Variants in CDK14 observed in about 807,000 individuals in gnomAD.
CDK14 encodes cyclin dependent kinase 14.
A neutral mutation model predicts 60.7 loss-of-function variants in CDK14; 34 were observed. The ratio of observed to expected loss-of-function variants is 0.56; its 90% confidence interval spans 0.43 to 0.75. The LOEUF is 0.75. Among genes scored for constraint, CDK14 ranks in the 30% least tolerant of loss-of-function variants. The probability of loss-of-function intolerance (pLI) is 0.00; values close to 1 mark genes in which losing one functional copy is unlikely to be tolerated. For synonymous variants in CDK14, 197 were observed against 203.7 expected (o/e 0.97, Z 0.28); for missense variants, 482 against 564.1 (o/e 0.85, Z 1.47).
At chr7:90,928,338 C>G (rs1793487638) in intron 8 of CDK14, among the ~76,000 whole-genome samples, 1 of 152,132 alleles carries the variant, frequency 6.6e-6, no homozygotes, top group African/African-American at 2.4e-5. Context: ...CCTGGTTTCT[C>G]CCCATCTGTG....
intron 14 of CDK14, among the ~76,000 whole-genome samples, chr7:91,189,989 C>T (rs988510804): frequency 9.9e-5 from 15 of 152,166 alleles, no homozygotes; most frequent in African/African-American, 3.6e-4. Context: ...TAAGGAATAG[C>T]AAAACTAGCC....
chr7:90,958,984 G>C (rs901973572), intron 9 of CDK14, among the ~76,000 whole-genome samples: 5 of 152,090 alleles, frequency 3.3e-5, no homozygotes, highest in African/African-American at 1.2e-4. Flanking sequence ...GTGTTTCTGA[G>C]GTGTAGCTCA....
intron 2 of CDK14, among the ~76,000 whole-genome samples, chr7:90,691,599 A>C (rs1801553878): frequency 6.6e-6 from 1 of 152,090 alleles, no homozygotes; most frequent in Admixed American, 6.6e-5. Flanking sequence ...GAGATGGGAA[A>C]CCATTGGAAG....
intron 14 of CDK14, among the ~76,000 whole-genome samples, chr7:91,180,748 A>G (rs1332117287): frequency 6.6e-6 from 1 of 152,216 alleles, no homozygotes; most frequent in Non-Finnish European, 1.5e-5. Flanking sequence ...TTAAAAGCCA[A>G]AGTGGAACTT....
intron 6 of CDK14, among the ~76,000 whole-genome samples, chr7:90,883,875 A>G (rs144339787): frequency 1.3e-5 from 2 of 152,374 alleles, no homozygotes; most frequent in African/African-American, 4.8e-5. Flanking sequence ...AAGGCCTTTG[A>G]TGAAATTCAA....
chr7:90,633,049 CTG>C (rs950142634), intron 2 of CDK14, among the ~76,000 whole-genome samples: 2 of 149,666 alleles, frequency 1.3e-5, no homozygotes, highest in African/African-American at 2.5e-5. Context: ...TAAGCCGAGA[CTG>C]TGCTACTACG....
At chr7:91,131,532 C>T (rs1800117394) in intron 14 of CDK14, among the ~76,000 whole-genome samples, 1 of 152,096 alleles carries the variant, frequency 6.6e-6, no homozygotes, top group South Asian at 2.1e-4. Context: ...ATGTCAGAAT[C>T]TGAAGAGAGA....
At chr7:90,825,351 G>A (rs1789685876) in intron 5 of CDK14, among the ~76,000 whole-genome samples, 1 of 152,152 alleles carries the variant, frequency 6.6e-6, no homozygotes. Flanking sequence ...GGTTTGTAAA[G>A]GGCCCTGTAG....
intron 14 of CDK14, among the ~76,000 whole-genome samples, chr7:91,142,778 G>A (rs1019811233): frequency 6.6e-6 from 1 of 152,248 alleles, no homozygotes; most frequent in South Asian, 2.1e-4. Context: ...GGGGAACCAG[G>A]AACAAAAGGA....
chr7:90,601,878 G>A lies in CDK14; in HGVS notation c.92-2340G>A, dbSNP rs943902399. Among the ~76,000 whole-genome samples, 15 of 151,932 alleles carry A rather than the reference G, an allele frequency of 9.9e-5. 1 individual carries two copies. Among genetic ancestry groups the A allele is most frequent in the African/African-American group, 2.9e-4 (12 of 41,338 alleles). ...AGTGATCCTCCCACCTCAGCCTCCC[G>A]AATAGCTGGAACCACAGGGCACCAC... On this transcript the variant is annotated intron_variant, in intron 1 of 14. Transcript: ENST00000380050.
Position 90,912,318 on chromosome 7 carries a change from G to T in CDK14, c.703-5283G>T, listed in dbSNP as rs536266997. Among the ~76,000 whole-genome samples, 10 of 152,198 alleles carry T rather than the reference G, an allele frequency of 6.6e-5. No homozygotes were observed. The South Asian group carries it at 1.7e-3, about 25-fold the overall frequency. On this transcript the variant is annotated intron_variant, in intron 7 of 14. Coordinates refer to ENST00000380050, the MANE Select transcript of CDK14 (RefSeq NM_001287135.2). ...AAAGACAGAAATTCAAGAATCATGT[G>T]CTTATTATACTATATGCTAATTGAG...
intron 6 of CDK14, among the ~76,000 whole-genome samples, chr7:90,894,706 G>A (rs1200551711): frequency 3.9e-5 from 6 of 152,176 alleles, no homozygotes; most frequent in Non-Finnish European, 7.4e-5. Context: ...AGCTGTGTGA[G>A]TGTAGAGTTC....
chr7:90,858,961 T>C (rs1306084732), intron 5 of CDK14, among the ~76,000 whole-genome samples: 1 of 152,226 alleles, frequency 6.6e-6, no homozygotes, highest in Non-Finnish European at 1.5e-5. Flanking sequence ...TGTGCTGTGA[T>C]TTTACTGTTA....
intron 10 of CDK14, among the ~76,000 whole-genome samples, chr7:91,044,802 C>G (rs942119214): frequency 6.6e-6 from 1 of 152,198 alleles, no homozygotes; most frequent in Non-Finnish European, 1.5e-5. Flanking sequence ...CCATCTGGCA[C>G]TCCCTTGAAC....
intron 4 of CDK14, among the ~76,000 whole-genome samples, chr7:90,765,132 T>TA (rs1240855465): frequency 6.6e-6 from 1 of 152,170 alleles, no homozygotes; most frequent in African/African-American, 2.4e-5. Context: ...GAAATTGAGA[T>TA]ATTGAGAAAC....
intron 5 of CDK14, among the ~76,000 whole-genome samples, chr7:90,791,133 T>G (rs1805813441): frequency 6.6e-6 from 1 of 152,168 alleles, no homozygotes; most frequent in Non-Finnish European, 1.5e-5. Flanking sequence ...TCTTTATATA[T>G]TAGGGTCATT....
At chr7:90,930,253 G>A (rs554720556) in intron 8 of CDK14, among the ~76,000 whole-genome samples, 1 of 152,136 alleles carries the variant, frequency 6.6e-6, no homozygotes, top group South Asian at 2.1e-4. Flanking sequence ...AAAATGCATA[G>A]ATTGCCAAAA....
intron 14 of CDK14, among the ~76,000 whole-genome samples, chr7:91,163,612 T>C (rs1329432589): frequency 6.6e-6 from 1 of 152,230 alleles, no homozygotes; most frequent in Non-Finnish European, 1.5e-5. Context: ...GTTTTTTGCA[T>C]TGGAAATTTG....
At chr7:90,809,937 G>A (rs1016459838) in intron 5 of CDK14, among the ~76,000 whole-genome samples, 1 of 152,144 alleles carries the variant, frequency 6.6e-6, no homozygotes, top group Non-Finnish European at 1.5e-5. Context: ...TTGAATCTCT[G>A]AATAGACCAA....
Sources: allele counts gnomAD v4.1 joint callset (sites outside exome capture counted in the v4.1 genomes callset), GRCh38; gene constraint gnomAD v4.1.1; transcripts MANE v1.5; gene names NCBI Gene and HGNC (gene_info 2026-07-23, HGNC 2026-07-21).